Variants in PRKG1 observed in about 807,000 individuals in gnomAD.
PRKG1 encodes protein kinase cGMP-dependent 1.
Under a neutral mutation model 88.1 loss-of-function variants are expected in PRKG1, and 35 were observed. That is an observed-to-expected ratio of 0.40 (90% CI 0.30 to 0.53). PRKG1 has a LOEUF of 0.53. Among genes scored for constraint, PRKG1 ranks in the 20% least tolerant of loss-of-function variants. PRKG1 has a pLI of 0.59. For missense variants in PRKG1, 540 were observed against 839.8 expected (o/e 0.64, Z 4.41); for synonymous variants, 303 against 292.5 (o/e 1.04, Z -0.37).
intron 2 of PRKG1, among the ~76,000 whole-genome samples, chr10:51,445,252 T>G (rs940030982): frequency 6.6e-6 from 1 of 151,968 alleles, no homozygotes; most frequent in Non-Finnish European, 1.5e-5. Context: ...TGGAAACCAA[T>G]TGTTGTTCAT....
intron 9 of PRKG1, among the ~76,000 whole-genome samples, chr10:52,185,832 G>T (rs188457130): frequency 6.6e-6 from 1 of 152,312 alleles, no homozygotes; most frequent in East Asian, 1.9e-4. Flanking sequence ...ACTTGAGCAG[G>T]ATCTGGAGGC....
intron 3 of PRKG1, among the ~76,000 whole-genome samples, chr10:51,663,046 A>C (rs1440581198): frequency 6.6e-6 from 1 of 152,122 alleles, no homozygotes; most frequent in African/African-American, 2.4e-5. Context: ...GATTAGAATT[A>C]GGTTTTAAAT....
chr10:51,944,732 C>T (rs1355492280), intron 5 of PRKG1, among the ~76,000 whole-genome samples: 1 of 152,028 alleles, frequency 6.6e-6, no homozygotes, highest in Non-Finnish European at 1.5e-5. Flanking sequence ...CATTCAGGAG[C>T]AGGTTGTTCA....
At chr10:51,196,103 A>G in intron 2 of PRKG1, among the ~76,000 whole-genome samples, 1 of 152,184 alleles carries the variant, frequency 6.6e-6, no homozygotes, top group South Asian at 2.1e-4. Context: ...AGTAGAAAGG[A>G]GCAGGAGGGA....
At chr10:51,570,080 T>TGTGTG (rs1281829729) in intron 3 of PRKG1, among the ~76,000 whole-genome samples, 11 of 147,706 alleles carry the variant, frequency 7.4e-5, no homozygotes, top group African/African-American at 2.8e-4. Context: ...TGTGTGTGTG[T>TGTGTG]TTATATATGT....
chr10:52,060,948 TA>T (rs542482409), intron 6 of PRKG1, among the ~76,000 whole-genome samples: 29 of 152,130 alleles, frequency 1.9e-4, no homozygotes, highest in South Asian at 1.7e-3. Flanking sequence ...AATTGCATAA[TA>T]TTCATATAAT....
chr10:51,296,730 C>G (rs1840729712), intron 2 of PRKG1, among the ~76,000 whole-genome samples: 1 of 151,698 alleles, frequency 6.6e-6, no homozygotes. Context: ...TAGTTTCTTC[C>G]TCTTTTTCTA....
chr10:51,287,283 G>A (rs965032245), intron 2 of PRKG1, among the ~76,000 whole-genome samples: 2 of 152,096 alleles, frequency 1.3e-5, no homozygotes, highest in African/African-American at 4.8e-5. Context: ...GGGCCAGGTG[G>A]TATATAGACA....
intron 3 of PRKG1, among the ~76,000 whole-genome samples, chr10:51,779,617 C>T (rs762407513): frequency 6.6e-6 from 1 of 152,084 alleles, no homozygotes; most frequent in South Asian, 2.1e-4. Context: ...AAGGCCTTCT[C>T]CCCTGAATGA....
At chr10:51,540,338 C>T (rs926345816) in intron 3 of PRKG1, among the ~76,000 whole-genome samples, 7 of 152,134 alleles carry the variant, frequency 4.6e-5, no homozygotes, top group Non-Finnish European at 1.0e-4. Context: ...TTTACATTCA[C>T]ATCAATGTAG....
intron 2 of PRKG1, among the ~76,000 whole-genome samples, chr10:51,396,724 G>T (rs1222906350): frequency 6.6e-6 from 1 of 152,198 alleles, no homozygotes; most frequent in Non-Finnish European, 1.5e-5. Context: ...GAGTGAAATC[G>T]ATAATCTGTA....
In PRKG1 at chr10:51,691,595, C is replaced by T. The variant is rs143140797; in HGVS notation, c.593-112990C>T. Among the ~76,000 whole-genome samples the T allele has an allele frequency of 2.3e-3, 348 of 152,208 alleles. 1 individual carries two copies. Among genetic ancestry groups the T allele is most frequent in the Non-Finnish European group, 3.9e-3 (265 of 68,002 alleles). On this transcript the variant is annotated intron_variant, in intron 3 of 17. Coordinates refer to ENST00000373980, the MANE Select transcript of PRKG1 (RefSeq NM_006258.4). ...GCTCCCAAACAGCTGGGATTGCAGG[C>T]GTGAGATACCTTGTCTGGCCTTGAG...
intron 3 of PRKG1, among the ~76,000 whole-genome samples, chr10:51,505,946 A>AG (rs1450156756): frequency 7.6e-6 from 1 of 131,810 alleles, no homozygotes; most frequent in Non-Finnish European, 1.7e-5. Context: ...GATATTTTGA[A>AG]GGGTTTTTTT....
chr10:52,140,090 C>T (rs1474229189), intron 8 of PRKG1, among the ~76,000 whole-genome samples: 3 of 152,130 alleles, frequency 2.0e-5, no homozygotes, highest in African/African-American at 7.2e-5. Flanking sequence ...ATTTAGTTCT[C>T]ATCATTAAAA....
intron 1 of PRKG1, among the ~76,000 whole-genome samples, chr10:51,077,895 A>G (rs1480280658): frequency 6.6e-6 from 1 of 152,232 alleles, no homozygotes; most frequent in African/African-American, 2.4e-5. Context: ...AATGAAAAAC[A>G]AAACCTAAGC....
intron 5 of PRKG1, among the ~76,000 whole-genome samples, chr10:51,916,782 G>A (rs1449170511): frequency 1.3e-5 from 2 of 152,176 alleles, no homozygotes; most frequent in Non-Finnish European, 2.9e-5. Flanking sequence ...GTGGTCATCA[G>A]CTGATGGATG....
At chr10:52,003,164 T>C (rs922201932) in intron 5 of PRKG1, among the ~76,000 whole-genome samples, 7 of 152,198 alleles carry the variant, frequency 4.6e-5, no homozygotes, top group African/African-American at 1.7e-4. Context: ...TGAAGGACAG[T>C]GCTACTTTTA....
At chr10:51,126,118 AT>A (rs1458590384) in intron 1 of PRKG1, among the ~76,000 whole-genome samples, 2 of 115,592 alleles carry the variant, frequency 1.7e-5, no homozygotes, top group African/African-American at 6.9e-5. Flanking sequence ...TAATTATATA[AT>A]TATATTTAAT....
In PRKG1 at chr10:51,741,660, A is replaced by T. The variant is rs571689096; in HGVS notation, c.593-62925A>T. On this transcript the variant is annotated intron_variant, in intron 3 of 17. Coordinates refer to ENST00000373980, the MANE Select transcript of PRKG1 (RefSeq NM_006258.4). Reference sequence around the variant, plus strand: ...TACCAAAATGAATGACAAACAGTAAATGCTGTTAGGTTTGACATTAGGAGG... The same window carrying T: ...TACCAAAATGAATGACAAACAGTAATTGCTGTTAGGTTTGACATTAGGAGG... Among the ~76,000 whole-genome samples the T allele has an allele frequency of 6.6e-5, 10 of 152,294 alleles. 1 individual carries two copies. The South Asian group carries it at 1.9e-3, about 28-fold the overall frequency.
Sources: allele counts gnomAD v4.1 joint callset (sites outside exome capture counted in the v4.1 genomes callset), GRCh38; gene constraint gnomAD v4.1.1; transcripts MANE v1.5; gene names NCBI Gene and HGNC (gene_info 2026-07-23, HGNC 2026-07-21).